ZNF711: variants seen among roughly 807,000 people sequenced by gnomAD.
The protein encoded by ZNF711 is ZFX family zinc finger ZNF711, also known as zinc finger protein 711.
ZNF711 carries 3 observed loss-of-function variants against 43.5 expected under a neutral mutation model. The ratio of observed to expected loss-of-function variants is 0.07; its 90% CI spans 0.03 to 0.18. The LOEUF (loss-of-function observed/expected upper bound fraction) is 0.18, where lower values mean the gene tolerates loss of function less well. ZNF711 is among the 10% of genes least tolerant of loss of function. The probability of loss-of-function intolerance (pLI) is 1.00; values close to 1 mark genes in which losing one functional copy is unlikely to be tolerated. For missense variants in ZNF711, 412 were observed against 604.0 expected, an observed-to-expected ratio of 0.68 and a Z score of 3.33; for synonymous variants, 209 against 207.7, an observed-to-expected ratio of 1.01 and a Z score of -0.06.
chrX:85,267,152 T>C, intron 7 of ZNF711, 126 bp from the exon 8 acceptor site: 4 of 575,357 alleles, frequency 7.0e-6, no homozygotes, highest in Non-Finnish European at 9.7e-6. Context: ...AAATTGAAAT[T>C]AAATTTATAA....
chrX:85,260,098 G>A (rs1930508156), intron 5 of ZNF711, among the ~76,000 whole-genome samples: 1 of 111,067 alleles, frequency 9.0e-6, no homozygotes, highest in South Asian at 3.8e-4. Context: ...TATCATGAAG[G>A]GCTAATACAT....
chrX:85,270,460 G>A (rs1415530536), intron 10 of ZNF711, among the ~76,000 whole-genome samples, 191 bp from the exon 11 acceptor site: 1 of 111,045 alleles, frequency 9.0e-6, no homozygotes, highest in Non-Finnish European at 1.9e-5. Context: ...TCATAGTAGA[G>A]TGCTGCTCAT....
chrX:85,246,115 T>C (rs888398470), intron 2 of ZNF711, 93 bp downstream of exon 2: 10 of 112,203 alleles, frequency 8.9e-5, no homozygotes, highest in Admixed American at 8.5e-4. Context: ...AGTTGTTCTA[T>C]TAGTTATGTG....
At chrX:85,257,389 T>C (rs777032149) in intron 5 of ZNF711, among the ~76,000 whole-genome samples, 2 of 111,369 alleles carry the variant, frequency 1.8e-5, no homozygotes, top group Non-Finnish European at 3.8e-5. Context: ...GGACCCCATG[T>C]TTAGACTTCT....
chrX:85,270,221 G>A (rs867557624), intron 10 of ZNF711, 75 bp downstream of exon 10: 6 of 1,067,222 alleles, frequency 5.6e-6, no homozygotes, highest in Non-Finnish European at 7.7e-6. Context: ...GAAAAATATC[G>A]ATGGTTTACT....
rs184395403 is a variant in ZNF711 at position 85,250,649 on chromosome X, T to G, written c.79+2998T>G. Among the ~76,000 whole-genome samples, 381 of 111,923 alleles carry G rather than the reference T, an allele frequency of 3.4e-3. 5 individuals are homozygous for G. The highest frequency in any genetic ancestry group is 0.033 in the Admixed American group (353 of 10,577). ...TCTTAAATCAAGGTATATAAATCAA[T>G]GGCAGTTAAATTACTTTTGCATTTT... is the stretch of plus-strand genomic sequence containing the variant. On this transcript the variant is annotated intron_variant, in intron 4 of 10. Coordinates refer to ENST00000674551, the MANE Select transcript of ZNF711 (RefSeq NM_001330574.2).
chrX:85,267,244 G>T, intron 7 of ZNF711, 34 bp from the exon 8 acceptor site: 1 of 1,050,930 alleles, frequency 9.5e-7, no homozygotes, highest in Non-Finnish European at 1.2e-6. Context: ...TAAATATTTG[G>T]GGTTATAAAC....
intron 9 of ZNF711, among the ~76,000 whole-genome samples, chrX:85,269,347 C>CT (rs1229713326): frequency 1.9e-5 from 2 of 105,888 alleles, no homozygotes; most frequent in South Asian, 4.2e-4. Flanking sequence ...TCTTTTCTTT[C>CT]TTTTTTTTCT....
At chrX:85,264,883 A>G (rs1430867014) in intron 6 of ZNF711, among the ~76,000 whole-genome samples, 1 of 111,189 alleles carries the variant, frequency 9.0e-6, no homozygotes, top group Non-Finnish European at 1.9e-5. Flanking sequence ...GTAAATATGT[A>G]TAAAAGACTT....
intron 4 of ZNF711, among the ~76,000 whole-genome samples, chrX:85,254,613 CAAAAAAAAAAAAAAAAAA>C (rs764074077): frequency 3.0e-3 from 13 of 4,295 alleles, no homozygotes; most frequent in East Asian, 6.5e-3. Flanking sequence ...GACTCCGTCT[CAAAAAAAAAAAAAAAAAA>C]AAAAAAAAAA....
At chrX:85,254,382 A>T (rs1929860300) in intron 4 of ZNF711, among the ~76,000 whole-genome samples, 1 of 84,883 alleles carries the variant, frequency 1.2e-5, no homozygotes, top group African/African-American at 5.5e-5. Context: ...AGGCGGGTGG[A>T]TCATGAGGTC....
chrX:85,252,010 A>G (rs911692852), intron 4 of ZNF711, among the ~76,000 whole-genome samples: 2 of 111,948 alleles, frequency 1.8e-5, no homozygotes, highest in African/African-American at 3.2e-5. Flanking sequence ...TGATACTTGT[A>G]TTAGCAGGTT....
chrX:85,267,539 G>A, intron 8 of ZNF711, 124 bp downstream of exon 8: 7 of 487,083 alleles, frequency 1.4e-5, no homozygotes, highest in Non-Finnish European at 2.1e-5. Flanking sequence ...GTTTTACACT[G>A]TGGACTGATT....
At chrX:85,255,856 A>T in intron 5 of ZNF711, 55 bp downstream of exon 5, 1 of 1,136,506 alleles carries the variant, frequency 8.8e-7, no homozygotes, top group East Asian at 3.0e-5. Context: ...TATAATCTGG[A>T]AAAGTTTTCT....
rs1157435576 is a variant in ZNF711 at position 85,271,308 on chromosome X, C to A, written c.1904C>A (p.Thr635Lys). Reference sequence around the variant, plus strand: ...CTGGATTTGTTTCAAGGACATAAGACACACCAGTGTCCTCATTGTGACCAT... The same window carrying A: ...CTGGATTTGTTTCAAGGACATAAGAAACACCAGTGTCCTCATTGTGACCAT... Reference protein sequence around the residue: ...RHLDLFQGHKTHQCPHCDHKS... With the variant: ...RHLDLFQGHKKHQCPHCDHKS... The change falls in exon 11 of 11, where the codon ACA becomes AAA. Residue 635 changes from threonine (T) to lysine (K), a missense_variant. Transcript: ENST00000674551. 1 of 1,210,537 alleles carries A rather than the reference C, an allele frequency of 8.3e-7. No homozygotes were observed. Among genetic ancestry groups the A allele is most frequent in the South Asian group, 1.8e-5 (1 of 56,845 alleles).
rs1555967812 is a variant in ZNF711 at position 85,244,150 on chromosome X, C to CGGCGGCGGCAGCGGCGGCGGCAGCTGT, written c.-446_-420dup. On this transcript the variant is annotated 5_prime_UTR_variant, in exon 1 of 11. Coordinates refer to ENST00000674551, the MANE Select transcript of ZNF711 (RefSeq NM_001330574.2). ...GCGGCGGCGGCGGCGGCGGCGGCAGCGGCGGCGGCAGCGGCGGCGGCAGCT... is the reference window on the plus strand; with the variant it reads ...GCGGCGGCGGCGGCGGCGGCGGCAGCGGCGGCGGCAGCGGCGGCGGCAGCTGTGGCGGCGGCAGCGGCGGCGGCAGCT... 3.7e-4 allele frequency: 55 copies of CGGCGGCGGCAGCGGCGGCGGCAGCTGT among 150,093 alleles called. No homozygotes were observed. Among genetic ancestry groups the CGGCGGCGGCAGCGGCGGCGGCAGCTGT allele is most frequent in the Non-Finnish European group, 6.3e-4 (51 of 80,865 alleles). The allele number at this position is 150,093 out of a possible 1,213,427, so 12.4% of individuals were successfully genotyped here. A position where few individuals can be genotyped will look rare whatever the true frequency, so the allele number is the denominator to read the frequency against.
intron 10 of ZNF711, among the ~76,000 whole-genome samples, chrX:85,270,356 T>G (rs1255554134): frequency 9.1e-6 from 1 of 109,831 alleles, no homozygotes; most frequent in African/African-American, 3.3e-5. Flanking sequence ...CAAAGATACT[T>G]TTACAGAGAA....
chrX:85,260,668 A>T (rs1233162069), intron 5 of ZNF711, among the ~76,000 whole-genome samples: 2 of 109,324 alleles, frequency 1.8e-5, no homozygotes, highest in African/African-American at 6.7e-5. Context: ...TGGATATTTC[A>T]TATAAATGGA....
chrX:85,265,385 T>C, intron 7 of ZNF711, 130 bp downstream of exon 7: 2 of 701,540 alleles, frequency 2.9e-6, no homozygotes, highest in Non-Finnish European at 4.3e-6. Context: ...GACCCTTTGC[T>C]GTAAATAATT....
Sources: allele counts gnomAD v4.1 joint callset (sites outside exome capture counted in the v4.1 genomes callset), GRCh38; gene constraint gnomAD v4.1.1; transcripts MANE v1.5; gene names NCBI Gene and HGNC (gene_info 2026-07-23, HGNC 2026-07-21).